Variants in IPPK observed in about 807,000 individuals in gnomAD.
IPPK encodes IPK1 homolog.
IPPK carries 22 observed loss-of-function variants against 64.6 expected under a neutral mutation model. The ratio of observed to expected loss-of-function variants is 0.34; its 90% CI spans 0.24 to 0.49. The LOEUF (loss-of-function observed/expected upper bound fraction) is 0.49. Ranked by LOEUF, IPPK falls within the 20% of genes least tolerant of loss-of-function variation. The probability of loss-of-function intolerance (pLI) is 0.99; values close to 1 mark genes in which losing one functional copy is unlikely to be tolerated. For synonymous variants in IPPK, 262 were observed against 247.2 expected (o/e 1.06, Z -0.56); for missense variants, 532 against 630.7 (o/e 0.84, Z 1.68).
At chr9:92,644,520 G>C (rs889424530) in intron 6 of IPPK, among the ~76,000 whole-genome samples, 1 of 152,198 alleles carries the variant, frequency 6.6e-6, no homozygotes, top group East Asian at 1.9e-4. Flanking sequence ...TTCCCGGAAA[G>C]ATCACACTTG....
chr9:92,619,354 G>C, intron 12 of IPPK, 132 bp downstream of exon 12: 1 of 707,716 alleles, frequency 1.4e-6, no homozygotes, highest in Non-Finnish European at 2.5e-6. Context: ...ATGTCACATA[G>C]GCCAAGGAAG....
At chr9:92,619,631 C>T (rs1215422473) in intron 11 of IPPK, 66 bp from the exon 12 acceptor site, 3 of 1,388,096 alleles carry the variant, frequency 2.2e-6, no homozygotes, top group Non-Finnish European at 3.0e-6. Flanking sequence ...CACAACCTTC[C>T]TTCCCAGTAG....
At chr9:92,656,605 T>C in intron 2 of IPPK, 54 bp from the exon 3 acceptor site, 1 of 1,223,346 alleles carries the variant, frequency 8.2e-7, no homozygotes, top group Non-Finnish European at 1.2e-6. Flanking sequence ...CAACAGAGCC[T>C]TGCTTGAGGG....
chr9:92,659,680 T>C (rs552252495), intron 1 of IPPK, among the ~76,000 whole-genome samples: 2 of 152,096 alleles, frequency 1.3e-5, no homozygotes, highest in Non-Finnish European at 2.9e-5. Flanking sequence ...GGAAGCAGGC[T>C]GCACTAAAGA....
intron 8 of IPPK, among the ~76,000 whole-genome samples, chr9:92,639,001 C>T (rs1306265772): frequency 1.3e-5 from 2 of 152,164 alleles, no homozygotes. Flanking sequence ...CAGCGGCCAA[C>T]CCCAGGAGAG....
At chr9:92,619,603 GAAGCCT>G in intron 11 of IPPK, 38 bp from the exon 12 acceptor site, 2 of 1,525,874 alleles carry the variant, frequency 1.3e-6, no homozygotes, top group Non-Finnish European at 1.8e-6. Context: ...GGTCACACAG[GAAGCCT>G]CTGCCCCCCC....
intron 5 of IPPK, among the ~76,000 whole-genome samples, chr9:92,648,831 G>A (rs1356498651): frequency 6.6e-6 from 1 of 152,230 alleles, no homozygotes; most frequent in Non-Finnish European, 1.5e-5. Flanking sequence ...CCCCGACATG[G>A]GAAGCAGAGA....
chr9:92,618,308 C>T (rs764827048), intron 12 of IPPK: 5 of 456,754 alleles, frequency 1.1e-5, no homozygotes, highest in South Asian at 7.7e-5. Context: ...CTCCCCTCCC[C>T]TCCTAGTGTC....
At chr9:92,634,870 A>G (rs1851910071) in intron 10 of IPPK, among the ~76,000 whole-genome samples, 1 of 152,252 alleles carries the variant, frequency 6.6e-6, no homozygotes. Context: ...AGCGCTGCTC[A>G]GCTGTGGAGC....
At chr9:92,655,170 T>C (rs1587641521) in intron 3 of IPPK, among the ~76,000 whole-genome samples, 2 of 152,216 alleles carry the variant, frequency 1.3e-5, no homozygotes, top group Non-Finnish European at 2.9e-5. Flanking sequence ...TGGTTGTATC[T>C]TGCCCCACAA....
rs779060730 is a variant in IPPK at position 92,658,658 on chromosome 9, C to G, written c.105G>C (p.Leu35=). The G allele has an allele frequency of 5.0e-6, 8 of 1,613,978 alleles. No individual in the cohort carries two copies. The highest frequency in any genetic ancestry group is 4.5e-5 in the East Asian group (2 of 44,900). ...CCTTCTTCCTATTTGGAGGAAACTTCAGAAACCGCAGCACGACGCAGCGCT... is the reference window on the plus strand; with the variant it reads ...CCTTCTTCCTATTTGGAGGAAACTTGAGAAACCGCAGCACGACGCAGCGCT... ...HAQRCVVLRF[L]KFPPNRKKTS... The change falls in exon 2 of 13, where the codon CTG becomes CTC. Residue 35 remains leucine (L), a synonymous_variant. Transcript: ENST00000287996.
intron 12 of IPPK, chr9:92,618,560 G>C (rs746151975): frequency 1.1e-5 from 5 of 456,562 alleles, no homozygotes; most frequent in African/African-American, 6.0e-5. Flanking sequence ...ATCTTCGTGG[G>C]TTTTCTCTCA....
intron 8 of IPPK, among the ~76,000 whole-genome samples, chr9:92,639,996 G>A (rs1358369584): frequency 1.3e-5 from 2 of 152,172 alleles, no homozygotes; most frequent in East Asian, 1.9e-4. Flanking sequence ...CAGTCACCTC[G>A]TCCAGACCAC....
chr9:92,633,941 C>G (rs1851888688), intron 11 of IPPK, among the ~76,000 whole-genome samples: 1 of 152,232 alleles, frequency 6.6e-6, no homozygotes, highest in Non-Finnish European at 1.5e-5. Flanking sequence ...GTCCTCTTCC[C>G]TAAGAGACTC....
At chr9:92,631,247 G>A (rs961282767) in intron 11 of IPPK, among the ~76,000 whole-genome samples, 1 of 147,880 alleles carries the variant, frequency 6.8e-6, no homozygotes, top group African/African-American at 2.5e-5. Context: ...CCAGGCTGGA[G>A]TGCAGTGGTG....
intron 4 of IPPK, 126 bp from the exon 5 acceptor site, chr9:92,649,700 T>C (rs1852222611): frequency 8.8e-7 from 1 of 1,132,318 alleles, no homozygotes; most frequent in African/African-American, 1.5e-5. Flanking sequence ...GAAAACCTCA[T>C]GTCTCCCTGG....
chr9:92,650,046 G>A (rs1328467589), intron 4 of IPPK, among the ~76,000 whole-genome samples: 10 of 132,862 alleles, frequency 7.5e-5, no homozygotes, highest in Admixed American at 3.8e-4. Context: ...AAAAAAAGGC[G>A]GGCACGGTGG....
At chr9:92,634,327 A>G (rs563541757) in intron 11 of IPPK, 59 bp downstream of exon 11, 47 of 1,210,188 alleles carry the variant, frequency 3.9e-5, no homozygotes, top group Non-Finnish European at 5.5e-5. Flanking sequence ...AAACAAAAAA[A>G]CAGATTAGTG....
At chr9:92,638,322 A>T (rs1390161220) in intron 8 of IPPK, 42 bp from the exon 9 acceptor site, 1 of 1,585,756 alleles carries the variant, frequency 6.3e-7, no homozygotes, top group South Asian at 1.2e-5. Context: ...CAAACCACCA[A>T]GCTTGTAGGA....
Sources: allele counts gnomAD v4.1 joint callset (sites outside exome capture counted in the v4.1 genomes callset), GRCh38; gene constraint gnomAD v4.1.1; transcripts MANE v1.5; gene names NCBI Gene and HGNC (gene_info 2026-07-23, HGNC 2026-07-21).